Variants in LY96 observed in about 807,000 individuals in gnomAD.
The protein encoded by LY96 is lymphocyte antigen 96.
Under a neutral mutation model 18.9 loss-of-function variants are expected in LY96, and 18 were observed. That is an observed-to-expected ratio of 0.95 (90% CI 0.66 to 1.41). LY96 has a LOEUF of 1.41. Among genes scored for constraint, LY96 ranks in the 40% most tolerant of loss-of-function variants. LY96 has a pLI of 0.00. For synonymous variants in LY96, 66 were observed against 62.6 expected, an observed-to-expected ratio of 1.06 and a Z score of -0.26; for missense variants, 175 against 182.4, an observed-to-expected ratio of 0.96 and a Z score of 0.23.
intron 3 of LY96, among the ~76,000 whole-genome samples, chr8:74,019,195 A>G (rs1299707478): frequency 6.6e-6 from 1 of 152,214 alleles, no homozygotes; most frequent in Non-Finnish European, 1.5e-5. Context: ...TGAAGAAAAG[A>G]GAGAAGAATC....
chr8:74,063,717 C>T, the LY96 span, among the ~76,000 whole-genome samples: 1 of 151,996 alleles, frequency 6.6e-6, no homozygotes. Context: ...AGATCCTGTA[C>T]ATCTTTTGTA....
the LY96 span, among the ~76,000 whole-genome samples, chr8:74,095,939 C>T: frequency 6.6e-6 from 1 of 152,296 alleles, no homozygotes; most frequent in Middle Eastern, 3.4e-3. Context: ...GTGTCTGAAA[C>T]TGAACTCTAG....
At chr8:74,093,915 CTGCTCTATGT>C in the LY96 span, among the ~76,000 whole-genome samples, 1 of 152,104 alleles carries the variant, frequency 6.6e-6, no homozygotes, top group South Asian at 2.1e-4. Flanking sequence ...CTAATTATTT[CTGCTCTATGT>C]TGAAATCTAT....
intron 3 of LY96, among the ~76,000 whole-genome samples, chr8:74,015,223 C>T (rs1456740254): frequency 6.6e-6 from 1 of 152,092 alleles, no homozygotes; most frequent in Non-Finnish European, 1.5e-5. Context: ...AATTCATAAG[C>T]CTGTAAGTTC....
Position 74,005,333 on chromosome 8 carries a change from T to A in LY96, c.202+448T>A, listed in dbSNP as rs180851863. On this transcript the variant is annotated intron_variant, in intron 2 of 4. Transcript: ENST00000284818. ...AGTCAGCTAACTAGGCAAGTCACAA[T>A]CTTATATAGCATAATCATGGAAGTA... Among the ~76,000 whole-genome samples, 8 of 152,314 alleles carry A rather than the reference T, an allele frequency of 5.3e-5. No individual in the cohort carries two copies. The East Asian group carries it at 1.5e-3, about 29-fold the overall frequency.
chr8:74,026,677 GT>G, intron 3 of LY96, 111 bp from the exon 4 acceptor site: 1 of 686,762 alleles, frequency 1.5e-6, no homozygotes, highest in Non-Finnish European at 2.7e-6. Flanking sequence ...TTTTTCTACA[GT>G]TTTGCTTGGG....
chr8:74,022,132 G>T (rs1164218596), intron 3 of LY96, among the ~76,000 whole-genome samples: 1 of 152,116 alleles, frequency 6.6e-6, no homozygotes, highest in Non-Finnish European at 1.5e-5. Context: ...TTCTTGGCAG[G>T]CACAGTGGCT....
chr8:74,055,961 TAAG>T, the LY96 span: 1 of 152,504 alleles, frequency 6.6e-6, no homozygotes, highest in Non-Finnish European at 1.5e-5. Context: ...TAACATTTTC[TAAG>T]AAGACTGGTA....
At chr8:74,063,759 T>C in the LY96 span, among the ~76,000 whole-genome samples, 1 of 152,174 alleles carries the variant, frequency 6.6e-6, no homozygotes, top group Middle Eastern at 3.4e-3. Flanking sequence ...ATTTATATTT[T>C]CCCACCTTTT....
intron 3 of LY96, among the ~76,000 whole-genome samples, chr8:74,017,913 G>T (rs1563717615): frequency 6.6e-6 from 1 of 152,190 alleles, no homozygotes; most frequent in Non-Finnish European, 1.5e-5. Flanking sequence ...ACTAAACATG[G>T]AAAGGAACAA....
chr8:74,021,723 A>G (rs191612377), intron 3 of LY96, among the ~76,000 whole-genome samples: 238 of 152,344 alleles, frequency 1.6e-3, no homozygotes, highest in African/African-American at 5.4e-3. Context: ...CATATACACC[A>G]TGGAATACTA....
At chr8:74,007,796 G>A (rs1201382324) in intron 2 of LY96, among the ~76,000 whole-genome samples, 3 of 152,046 alleles carry the variant, frequency 2.0e-5, no homozygotes, top group Non-Finnish European at 2.9e-5. Flanking sequence ...GTCTCACTCT[G>A]TCACCCAGGC....
chr8:74,052,232 G>A, the LY96 span: 1 of 152,296 alleles, frequency 6.6e-6, no homozygotes, highest in Non-Finnish European at 1.5e-5. Flanking sequence ...ACAGGGGCTG[G>A]TGGGAGTGCT....
In LY96 at chr8:74,006,822, C is replaced by T. The variant is rs149064938; in HGVS notation, c.202+1937C>T. 5.3e-3 allele frequency among the ~76,000 whole-genome samples: 800 copies of T among 152,266 alleles called. 5 individuals are homozygous for T. Among genetic ancestry groups the T allele is most frequent in the African/African-American group, 0.018 (759 of 41,536 alleles). ...TTCAAGTGAATCCCTTGCCCTTACT[C>T]GCAGGAAACAGGTTGTATCTTTCCA... On this transcript the variant is annotated intron_variant, in intron 2 of 4. Coordinates refer to ENST00000284818, the MANE Select transcript of LY96 (RefSeq NM_015364.5).
chr8:74,063,502 G>C, the LY96 span, among the ~76,000 whole-genome samples: 1 of 152,006 alleles, frequency 6.6e-6, no homozygotes, highest in African/African-American at 2.4e-5. Flanking sequence ...AATCATTTTT[G>C]TTGGATATTT....
At chr8:74,045,823 C>T in the LY96 span, among the ~76,000 whole-genome samples, 7 of 152,266 alleles carry the variant, frequency 4.6e-5, no homozygotes, top group South Asian at 6.2e-4. Context: ...AGGGAGGGAT[C>T]GCACTGCTAC....
the LY96 span, among the ~76,000 whole-genome samples, chr8:74,057,816 T>C: frequency 1.3e-5 from 2 of 152,250 alleles, no homozygotes; most frequent in African/African-American, 4.8e-5. Context: ...TTCCTTACCT[T>C]ACGTTTTATT....
intron 1 of LY96, among the ~76,000 whole-genome samples, chr8:73,994,544 C>T (rs900794369): frequency 2.0e-4 from 31 of 152,090 alleles, no homozygotes; most frequent in East Asian, 1.9e-4. Context: ...TGGAGTGCAA[C>T]GGTGGAATCA....
At chr8:74,090,588 G>T in the LY96 span, among the ~76,000 whole-genome samples, 10 of 152,292 alleles carry the variant, frequency 6.6e-5, no homozygotes, top group African/African-American at 2.4e-4. Context: ...ACCCTACATA[G>T]CATGTGAGCC....
Sources: gnomAD v4.1 joint callset for allele counts (sites outside exome capture counted in the v4.1 genomes callset) on GRCh38, gnomAD v4.1.1 for gene constraint, MANE v1.5 for transcripts, NCBI Gene and HGNC (gene_info 2026-07-23, HGNC 2026-07-21) for gene names.